The following ARHGEF12 variants were observed in gnomAD, a reference collection of about 807,000 sequenced individuals.
ARHGEF12 encodes Rho guanine nucleotide exchange factor 12.
ARHGEF12 carries 66 observed loss-of-function variants against 211.2 expected under a neutral mutation model. The observed-to-expected ratio is 0.31, with a 90% CI of 0.26 to 0.38. ARHGEF12 has a LOEUF of 0.38. ARHGEF12 is among the 10% of genes least tolerant of loss of function. The pLI, the probability that ARHGEF12 is intolerant of heterozygous loss-of-function variation, is 1.00. For synonymous variants in ARHGEF12, 592 were observed against 638.4 expected, an observed-to-expected ratio of 0.93 and a Z score of 1.09; for missense variants, 1,429 against 1,869.5, an observed-to-expected ratio of 0.76 and a Z score of 4.34.
At chr11:120,467,366 A>G (rs1946733306) in intron 29 of ARHGEF12, 58 bp downstream of exon 29, 24 of 998,494 alleles carry the variant, frequency 2.4e-5, no homozygotes, top group South Asian at 5.6e-5. Context: ...AACACCCAAT[A>G]TCCTGTAAAT....
At chr11:120,433,883 G>C (rs1945618752) in intron 11 of ARHGEF12, among the ~76,000 whole-genome samples, 1 of 152,106 alleles carries the variant, frequency 6.6e-6, no homozygotes, top group Admixed American at 6.6e-5. Flanking sequence ...GCTTGAACCA[G>C]GGAGGCGGAG....
intron 1 of ARHGEF12, among the ~76,000 whole-genome samples, chr11:120,363,577 C>G (rs1943338632): frequency 6.6e-6 from 1 of 152,174 alleles, no homozygotes; most frequent in African/African-American, 2.4e-5. Flanking sequence ...CATTAGGTGA[C>G]TAATAATTTG....
rs992513757 is a variant in ARHGEF12, at chr11:120,476,369, G to A, written c.3278-292G>A. ...ATTACAGGTGTGAGCCACCGTGCCC[G>A]GCCAGTAATTTGGATTTTTGACATG... On this transcript the variant is annotated intron_variant, in intron 33 of 40. Transcript: ENST00000397843. The A allele has an allele frequency of 5.8e-5, 13 of 222,766 alleles. No individual in the cohort carries two copies. In the Admixed American group the frequency reaches 5.9e-4, roughly 10 times the overall value. 13.8% of individuals were successfully genotyped at this position (222,766 alleles called of 1,614,324 possible).
intron 1 of ARHGEF12, among the ~76,000 whole-genome samples, chr11:120,361,694 A>G (rs1943280523): frequency 1.3e-5 from 2 of 152,244 alleles, no homozygotes; most frequent in African/African-American, 2.4e-5. Flanking sequence ...AGAGGAAAAA[A>G]GTATCCAGCT....
In ARHGEF12 at chr11:120,473,147, T is replaced by A. The variant is rs1323735432; in HGVS notation, c.3033+20T>A. 1.2e-6 allele frequency: 2 copies of A among 1,605,972 alleles called. No homozygotes were observed. The highest frequency in any genetic ancestry group is 2.2e-5 in the South Asian group (2 of 90,600). On this transcript the variant is annotated intron_variant, in intron 31 of 40. Coordinates refer to ENST00000397843, the MANE Select transcript of ARHGEF12 (RefSeq NM_015313.3). ...CTCAGGGTGAGAGATGGTCTAATCA[T>A]AATTTAAAAAATAAAATAAAATTTG...
At chr11:120,377,486 G>A (rs1328991133) in intron 1 of ARHGEF12, among the ~76,000 whole-genome samples, 1 of 151,854 alleles carries the variant, frequency 6.6e-6, no homozygotes, top group Non-Finnish European at 1.5e-5. Context: ...GACCACACAG[G>A]TGCACAGCAC....
chr11:120,474,772 T>C (rs1263219401), intron 32 of ARHGEF12, 137 bp downstream of exon 32: 1 of 607,068 alleles, frequency 1.6e-6, no homozygotes, highest in Non-Finnish European at 2.9e-6. Context: ...TTTGTACATT[T>C]GTAGATCTGC....
chr11:120,383,000 G>C (rs372602038), intron 1 of ARHGEF12, among the ~76,000 whole-genome samples: 2 of 152,160 alleles, frequency 1.3e-5, no homozygotes, highest in African/African-American at 4.8e-5. Flanking sequence ...TTAGCCAGGC[G>C]TGGTGGCGGG....
At chr11:120,399,376 G>A (rs1357075712) in intron 1 of ARHGEF12, among the ~76,000 whole-genome samples, 1 of 127,254 alleles carries the variant, frequency 7.9e-6, no homozygotes, top group Non-Finnish European at 1.7e-5. Flanking sequence ...ATAGATCTAT[G>A]TCTAGTTAAT....
At chr11:120,410,214 T>A (rs1944838970) in intron 4 of ARHGEF12, 1 of 152,124 alleles carries the variant, frequency 6.6e-6, no homozygotes, top group Non-Finnish European at 1.5e-5. Context: ...GTGAAGTTCA[T>A]ACCTATTTTT....
chr11:120,462,969 G>A (rs1004261050), intron 27 of ARHGEF12: 1 of 152,212 alleles, frequency 6.6e-6, no homozygotes, highest in Non-Finnish European at 1.5e-5. Flanking sequence ...CAGCAACAGT[G>A]AGCCACAGCT....
In ARHGEF12 at chr11:120,465,217, T is replaced by A. The variant is rs746955052; in HGVS notation, c.2614-20T>A. Reference sequence around the variant, plus strand: ...CTCAGTTTCCCATTCTCTTTTGTGTTCTTTGCATTCTTGGCACAGTTCAGC... The same window carrying A: ...CTCAGTTTCCCATTCTCTTTTGTGTACTTTGCATTCTTGGCACAGTTCAGC... On this transcript the variant is annotated intron_variant, in intron 27 of 40. Transcript: ENST00000397843. The A allele has an allele frequency of 8.1e-6, 13 of 1,613,700 alleles. No individual in the cohort carries two copies. The Admixed American group carries it at 2.2e-4, about 27-fold the overall frequency.
At position 120,399,321 on chromosome 11, in the gene ARHGEF12, CAAAAA is replaced by C. The variant is rs71050743; in HGVS notation, c.33-6771_33-6767del. ...GAGTGAGAGAGTGAGACATTGTCTC[CAAAAA>C]AAAAAAAAAAAAAAAAAAAAAAAAA... On this transcript the variant is annotated intron_variant, in intron 1 of 40. Transcript: ENST00000397843. 1.2e-3 allele frequency among the ~76,000 whole-genome samples: 45 copies of C among 36,498 alleles called. No individual in the cohort carries two copies. The East Asian group carries it at 0.013, about 11-fold the overall frequency. 23.9% of individuals were successfully genotyped at this position (36,498 alleles called of 152,430 possible).
At chr11:120,355,020 C>T (rs958657855) in intron 1 of ARHGEF12, among the ~76,000 whole-genome samples, 3 of 152,296 alleles carry the variant, frequency 2.0e-5, no homozygotes, top group African/African-American at 4.8e-5. Flanking sequence ...TGCTTCCTCA[C>T]ACTGTTAGCA....
At chr11:120,444,481 A>C (rs1489455158) in intron 15 of ARHGEF12, among the ~76,000 whole-genome samples, 3 of 152,198 alleles carry the variant, frequency 2.0e-5, no homozygotes, top group Non-Finnish European at 2.9e-5. Flanking sequence ...AATGCTTTTA[A>C]GAAAGTTGAT....
At chr11:120,473,202 A>G in intron 31 of ARHGEF12, 75 bp downstream of exon 31, 1 of 1,312,598 alleles carries the variant, frequency 7.6e-7, no homozygotes, top group Non-Finnish European at 1.1e-6. Context: ...TTAACATCTC[A>G]GTGGGAATAT....
chr11:120,368,889 C>G (rs1417899728), intron 1 of ARHGEF12, among the ~76,000 whole-genome samples: 1 of 152,052 alleles, frequency 6.6e-6, no homozygotes, highest in Non-Finnish European at 1.5e-5. Context: ...TCCTTTCACC[C>G]TCCACCCTCA....
At chr11:120,399,492 C>T (rs1401066576) in intron 1 of ARHGEF12, among the ~76,000 whole-genome samples, 1 of 152,012 alleles carries the variant, frequency 6.6e-6, no homozygotes, top group Non-Finnish European at 1.5e-5. Flanking sequence ...GTCTGTTTAG[C>T]TGTCTGGCAT....
At chr11:120,397,806 CAT>C (rs1321647979) in intron 1 of ARHGEF12, among the ~76,000 whole-genome samples, 2 of 152,246 alleles carry the variant, frequency 1.3e-5, no homozygotes, top group African/African-American at 4.8e-5. Flanking sequence ...AATATGTAAA[CAT>C]ATGTTGATAT....
Sources: allele counts gnomAD v4.1 joint callset (sites outside exome capture counted in the v4.1 genomes callset), GRCh38; gene constraint gnomAD v4.1.1; transcripts MANE v1.5; gene names NCBI Gene and HGNC (gene_info 2026-07-23, HGNC 2026-07-21).